NRF1: variants seen among roughly 807,000 people sequenced by gnomAD.
NRF1 encodes the protein alpha palindromic-binding protein.
Under a neutral mutation model 58.5 loss-of-function variants are expected in NRF1, and 5 were observed. The observed-to-expected ratio is 0.09, with a 90% CI of 0.04 to 0.18. The LOEUF (loss-of-function observed/expected upper bound fraction) is 0.18. NRF1 is among the 10% of genes least tolerant of loss of function. The pLI, the probability that NRF1 is intolerant of heterozygous loss-of-function variation, is 1.00. For synonymous variants in NRF1, 224 were observed against 246.7 expected (o/e 0.91, Z 0.86); for missense variants, 288 against 657.7 (o/e 0.44, Z 6.15).
At chr7:129,619,169 G>T (rs1397611498) in intron 1 of NRF1, among the ~76,000 whole-genome samples, 1 of 151,590 alleles carries the variant, frequency 6.6e-6, no homozygotes, top group Non-Finnish European at 1.5e-5. Flanking sequence ...AGAAAGAATG[G>T]CTAAACAGAT....
intron 5 of NRF1, among the ~76,000 whole-genome samples, chr7:129,694,635 T>C (rs1802645727): frequency 6.6e-6 from 1 of 152,222 alleles, no homozygotes; most frequent in Non-Finnish European, 1.5e-5. Flanking sequence ...CCCAAAGTGC[T>C]GGGATTGCAG....
intron 5 of NRF1, among the ~76,000 whole-genome samples, chr7:129,696,060 TAAAAAAAAAAAAAA>T (rs11434445): frequency 1.9e-5 from 1 of 53,388 alleles, no homozygotes; most frequent in Non-Finnish European, 2.9e-5. Context: ...CCGTCTCTAC[TAAAAAAAAAAAAAA>T]AAAAAAAAAA....
intron 4 of NRF1, among the ~76,000 whole-genome samples, chr7:129,683,927 C>T (rs996996585): frequency 6.6e-6 from 1 of 152,142 alleles, no homozygotes; most frequent in Non-Finnish European, 1.5e-5. Flanking sequence ...GCCACCCCTC[C>T]TGGCTGGAAA....
intron 1 of NRF1, among the ~76,000 whole-genome samples, chr7:129,636,679 T>C (rs1470626962): frequency 1.3e-5 from 2 of 152,212 alleles, no homozygotes; most frequent in Admixed American, 6.5e-5. Flanking sequence ...TTCTGTCTCT[T>C]TTCAGTTTCG....
rs1262964136 is a variant in NRF1 at position 129,715,148 on chromosome 7, C to CAG, written c.1066-2067_1066-2066dup. On this transcript the variant is annotated intron_variant, in intron 8 of 10. Transcript: ENST00000393232. ...GTATTCAGAACTAAGTCTCTAAACA[C>CAG]AGAGAATTGTACTAAAATCAGTAGT... 2.0e-5 allele frequency among the ~76,000 whole-genome samples: 3 copies of CAG among 152,166 alleles called. No homozygotes were observed. The East Asian group carries it at 5.8e-4, about 29-fold the overall frequency.
chr7:129,716,549 C>T (rs888757629), intron 8 of NRF1, among the ~76,000 whole-genome samples: 20 of 151,948 alleles, frequency 1.3e-4, no homozygotes, highest in South Asian at 4.2e-4. Context: ...ATGTATATAT[C>T]GGGAAGTAAA....
At chr7:129,647,075 G>A (rs747027747) in intron 1 of NRF1, among the ~76,000 whole-genome samples, 18 of 152,042 alleles carry the variant, frequency 1.2e-4, no homozygotes, top group African/African-American at 7.2e-5. Context: ...GCACCCTGTC[G>A]CCCAGGCTGG....
chr7:129,741,996 T>C lies in NRF1; in HGVS notation c.1349-13022T>C, dbSNP rs1296804787. 6.6e-6 allele frequency among the ~76,000 whole-genome samples: 1 copy of C among 151,682 alleles called. No individual in the cohort carries two copies. Among genetic ancestry groups the C allele is most frequent in the Non-Finnish European group, 1.5e-5 (1 of 67,944 alleles). ...AGCAGGATATCAAATGAAGGGGAGGTTGTGGTTGGAGTCAGTGAAGTGAAT... is the reference window on the plus strand; with the variant it reads ...AGCAGGATATCAAATGAAGGGGAGGCTGTGGTTGGAGTCAGTGAAGTGAAT... On this transcript the variant is annotated intron_variant, in intron 10 of 10. Coordinates refer to ENST00000393232, the MANE Select transcript of NRF1 (RefSeq NM_005011.5). This position sits in a 1 kb window ranked among gnomAD's most constrained non-coding sequence, Gnocchi z 4.0.
intron 3 of NRF1, among the ~76,000 whole-genome samples, chr7:129,672,200 CTTTTTT>C (rs58022845): frequency 8.6e-6 from 1 of 116,890 alleles, no homozygotes; most frequent in African/African-American, 3.3e-5. Context: ...GCCAGGAGAT[CTTTTTT>C]TTTTTTTTTT....
chr7:129,628,695 A>G (rs1024015097), intron 1 of NRF1, among the ~76,000 whole-genome samples: 3 of 152,180 alleles, frequency 2.0e-5, no homozygotes, highest in African/African-American at 7.2e-5. Context: ...ATGTGGTTGG[A>G]AGAGTATTTT....
In NRF1 at chr7:129,739,972, A is replaced by C. The variant is rs202187947; in HGVS notation, c.1348+12607A>C. Among the ~76,000 whole-genome samples, 9 of 152,166 alleles carry C rather than the reference A, an allele frequency of 5.9e-5. No individual in the cohort carries two copies. The East Asian group carries it at 1.5e-3, about 26-fold the overall frequency. On this transcript the variant is annotated intron_variant, in intron 10 of 10. Coordinates refer to ENST00000393232, the MANE Select transcript of NRF1 (RefSeq NM_005011.5). ...TGTTCACTGGGGCTCTTGATTCTAG[A>C]CACTCAAAGAGGGGTACAGTTCTCT... is the stretch of plus-strand genomic sequence containing the variant.
chr7:129,688,064 G>A (rs1802482220), intron 4 of NRF1, among the ~76,000 whole-genome samples: 1 of 152,214 alleles, frequency 6.6e-6, no homozygotes, highest in South Asian at 2.1e-4. Context: ...TAAAGAAGTA[G>A]TAACCTAATG....
chr7:129,662,074 A>T (rs1388654007), intron 2 of NRF1, among the ~76,000 whole-genome samples: 1 of 150,118 alleles, frequency 6.7e-6, no homozygotes, highest in Admixed American at 6.6e-5. Context: ...ACCTAATGAG[A>T]CTTATTCACT....
chr7:129,649,136 AC>A (rs1801478469), intron 1 of NRF1, among the ~76,000 whole-genome samples: 1 of 152,028 alleles, frequency 6.6e-6, no homozygotes, highest in Admixed American at 6.6e-5. Context: ...TTTAATTTTT[AC>A]TGCTGTGGTG....
intron 1 of NRF1, among the ~76,000 whole-genome samples, chr7:129,639,963 ACT>A (rs1026156512): frequency 3.3e-5 from 5 of 152,212 alleles, no homozygotes; most frequent in East Asian, 1.9e-4. Flanking sequence ...TCAGTTGAAC[ACT>A]CTGGCGCTCA....
intron 2 of NRF1, among the ~76,000 whole-genome samples, chr7:129,663,854 C>T (rs1427706558): frequency 3.3e-5 from 5 of 152,170 alleles, no homozygotes; most frequent in African/African-American, 4.8e-5. Context: ...ATTGAGTGAG[C>T]GAGACTCCGT....
intron 1 of NRF1, among the ~76,000 whole-genome samples, chr7:129,622,501 T>A (rs1800821754): frequency 6.6e-6 from 1 of 152,136 alleles, no homozygotes; most frequent in Non-Finnish European, 1.5e-5. Flanking sequence ...CAGAAGAAAA[T>A]TAAAGATAAT....
intron 2 of NRF1, among the ~76,000 whole-genome samples, chr7:129,659,540 A>C (rs1048126258): frequency 1.3e-5 from 2 of 152,114 alleles, no homozygotes; most frequent in African/African-American, 4.8e-5. Context: ...GAATGTTTTT[A>C]CTTAAACTTC....
At chr7:129,699,746 AAAAG>A (rs1802776538) in intron 5 of NRF1, among the ~76,000 whole-genome samples, 2 of 151,186 alleles carry the variant, frequency 1.3e-5, no homozygotes, top group African/African-American at 2.4e-5. Flanking sequence ...AAAAGAAAAA[AAAAG>A]AAAGAAAATA....
Sources: gnomAD v4.1 joint callset for allele counts (sites outside exome capture counted in the v4.1 genomes callset) on GRCh38, gnomAD v4.1.1 for gene constraint, Gnocchi (gnomAD v3.1) non-coding constraint, MANE v1.5 for transcripts, NCBI Gene and HGNC (gene_info 2026-07-23, HGNC 2026-07-21) for gene names.